KCTD20: variants seen among roughly 807,000 people sequenced by gnomAD.
KCTD20 encodes the protein potassium channel tetramerization domain containing 20.
In KCTD20, 30 loss-of-function variants were observed where a neutral mutation model predicts 39.6. That is an observed-to-expected ratio of 0.76 (90% CI 0.57 to 1.03). The LOEUF is 1.03. Ranked by LOEUF, KCTD20 falls within the 50% of genes least tolerant of loss-of-function variation. The probability of loss-of-function intolerance (pLI) is 0.00; values close to 1 mark genes in which losing one functional copy is unlikely to be tolerated. For missense variants in KCTD20, 422 were observed against 522.0 expected, an observed-to-expected ratio of 0.81 and a Z score of 1.87; for synonymous variants, 162 against 180.6, an observed-to-expected ratio of 0.90 and a Z score of 0.83.
chr6:36,475,135 T>C, intron 3 of KCTD20, 73 bp downstream of exon 3: 3 of 1,477,820 alleles, frequency 2.0e-6, no homozygotes, highest in South Asian at 2.6e-5. Flanking sequence ...TTATCTTGCA[T>C]TAGATATAAC....
rs1775874820 is a variant in KCTD20 at position 36,470,313 on chromosome 6, A to G, written c.160+56A>G. On this transcript the variant is annotated intron_variant, in intron 2 of 7. Transcript: ENST00000373731. Reference sequence around the variant, plus strand: ...GGGGCTTTCCAATACTAGAGCATCTACTCTACCCAGAAGGCATGAATGTTT... The same window carrying G: ...GGGGCTTTCCAATACTAGAGCATCTGCTCTACCCAGAAGGCATGAATGTTT... The G allele has an allele frequency of 4.8e-6, 7 of 1,471,908 alleles. No homozygotes were observed. The South Asian group carries it at 6.3e-5, about 13-fold the overall frequency. The allele number at this position is 1,471,908 out of a possible 1,614,324, so 91.2% of individuals were successfully genotyped here.
chr6:36,482,171 G>C (rs1776270485), intron 6 of KCTD20, among the ~76,000 whole-genome samples: 2 of 152,150 alleles, frequency 1.3e-5, no homozygotes, highest in Admixed American at 1.3e-4. Context: ...TATATTCAGT[G>C]TACATATATA....
At position 36,486,883 on chromosome 6, in the gene KCTD20, G is replaced by T. The variant is rs760854419; in HGVS notation, c.968G>T (p.Gly323Val). Residue 323 changes from glycine (G) to valine (V), a missense_variant and splice_region_variant, in exon 8 of 8, where the codon GGT (glycine) becomes GTT (valine). Physicochemically the swap from Gly to Val is moderately radical, Grantham distance 109. Coordinates refer to ENST00000373731, the MANE Select transcript of KCTD20 (RefSeq NM_173562.5). ...TGAGAATGGCCTTTTTCCATTGCAG[G>T]TTACCCTACCTGTAAAGAAAAAATT... ...GLKNIRIGIE[G>V]YPTCKEKIKR... 2.5e-6 allele frequency: 4 copies of T among 1,609,996 alleles called. No homozygotes were observed. The Admixed American group carries it at 6.8e-5, about 27-fold the overall frequency.
intron 1 of KCTD20, among the ~76,000 whole-genome samples, chr6:36,463,042 A>G (rs1775646120): frequency 6.6e-6 from 1 of 152,220 alleles, no homozygotes; most frequent in Non-Finnish European, 1.5e-5. Context: ...TCCTTAGATG[A>G]TGATGTGCAT....
At position 36,468,884 on chromosome 6, in the gene KCTD20, T is replaced by A. The variant is rs563162026; in HGVS notation, c.-46-1168T>A. 2.6e-5 allele frequency among the ~76,000 whole-genome samples: 4 copies of A among 152,336 alleles called. No individual in the cohort carries two copies. In the South Asian group the frequency reaches 8.3e-4, roughly 32 times the overall value. ...TTCAGGCATATTCCTCTATCCATCC[T>A]ATCAAAGTGGTCATTTTTACATTTC... is the stretch of plus-strand genomic sequence containing the variant. On this transcript the variant is annotated intron_variant, in intron 1 of 7. Transcript: ENST00000373731.
In KCTD20 at chr6:36,488,643, T is replaced by C. The variant is rs143379877; in HGVS notation, c.*1468T>C. 1.3e-5 allele frequency: 2 copies of C among 152,336 alleles called. No homozygotes were observed. Among genetic ancestry groups the C allele is most frequent in the African/African-American group, 2.4e-5 (1 of 41,582 alleles). 9.4% of individuals were successfully genotyped at this position (152,336 alleles called of 1,614,324 possible). A position where few individuals can be genotyped will look rare whatever the true frequency, so the allele number is the denominator to read the frequency against. On this transcript the variant is annotated 3_prime_UTR_variant, in exon 8 of 8. Transcript: ENST00000373731. ...AAATCTGAAAGGCTTCTGAACGTCA[T>C]GTCAGCACTCAAAAAAGTGGATTTT... is the stretch of plus-strand genomic sequence containing the variant.
At chr6:36,466,611 G>A (rs1775762272) in intron 1 of KCTD20, among the ~76,000 whole-genome samples, 1 of 151,946 alleles carries the variant, frequency 6.6e-6, no homozygotes, top group South Asian at 2.1e-4. Flanking sequence ...TGAACTCTCA[G>A]GCTCAAGAGA....
At chr6:36,449,020 T>C (rs1184578389) in intron 1 of KCTD20, among the ~76,000 whole-genome samples, 1 of 150,360 alleles carries the variant, frequency 6.7e-6, no homozygotes, top group Admixed American at 6.8e-5. Flanking sequence ...TTGCAGTGAG[T>C]GTTACAGCTC....
At chr6:36,445,142 A>T (rs188884559) in intron 1 of KCTD20, among the ~76,000 whole-genome samples, 1 of 152,020 alleles carries the variant, frequency 6.6e-6, no homozygotes. Flanking sequence ...GGCACCTGTA[A>T]TCCCAGCTAC....
At chr6:36,482,552 C>CA (rs964226783) in intron 6 of KCTD20, among the ~76,000 whole-genome samples, 87 of 152,052 alleles carry the variant, frequency 5.7e-4, no homozygotes, top group African/African-American at 1.7e-3. Context: ...GACTCCATCT[C>CA]AAAAAAACAA....
In KCTD20 at chr6:36,487,164, T is replaced by G; in HGVS notation, c.1249T>G (p.Phe417Val). The G allele has an allele frequency of 6.2e-7, 1 of 1,612,654 alleles. No homozygotes were observed. Among genetic ancestry groups the G allele is most frequent in the Non-Finnish European group, 8.5e-7 (1 of 1,178,980 alleles). The change falls in exon 8 of 8, where the codon TTT becomes GTT. Residue 417 changes from phenylalanine (F) to valine (V), a missense_variant. Phe to Val is a conservative substitution (Grantham distance 50). Coordinates refer to ENST00000373731, the MANE Select transcript of KCTD20 (RefSeq NM_173562.5). The part of the protein sequence containing the change: ...APLSQMASND[F>V]QD ...ACTTTCTCAGATGGCTTCTAACGACTTTCAGGATTAGGGCCAGCTGTGGGT... is the reference window on the plus strand; with the variant it reads ...ACTTTCTCAGATGGCTTCTAACGACGTTCAGGATTAGGGCCAGCTGTGGGT...
intron 1 of KCTD20, among the ~76,000 whole-genome samples, chr6:36,459,951 A>T (rs1277930306): frequency 6.6e-6 from 1 of 152,246 alleles, no homozygotes; most frequent in African/African-American, 2.4e-5. Context: ...TGCTTTAAAA[A>T]ATGTTATTAC....
chr6:36,450,666 T>C (rs1319250772), intron 1 of KCTD20, among the ~76,000 whole-genome samples: 1 of 152,164 alleles, frequency 6.6e-6, no homozygotes, highest in Non-Finnish European at 1.5e-5. Flanking sequence ...TCTGTATAAA[T>C]CATTGTGTTA....
chr6:36,465,267 G>C (rs1415667999), intron 1 of KCTD20, among the ~76,000 whole-genome samples: 2 of 145,376 alleles, frequency 1.4e-5, no homozygotes, highest in African/African-American at 2.6e-5. Context: ...CTGCACTCCA[G>C]CCTGGGCAAG....
At chr6:36,450,227 C>T (rs1007964442) in intron 1 of KCTD20, among the ~76,000 whole-genome samples, 1 of 146,936 alleles carries the variant, frequency 6.8e-6, no homozygotes, top group Admixed American at 6.9e-5. Context: ...ATGGCTCCTG[C>T]GTGTAATCCC....
At chr6:36,483,169 A>G (rs1425147313) in intron 6 of KCTD20, among the ~76,000 whole-genome samples, 1 of 151,286 alleles carries the variant, frequency 6.6e-6, no homozygotes, top group East Asian at 1.9e-4. Context: ...AGATGTTGCC[A>G]AATTATCCTC....
At chr6:36,451,864 G>A (rs1582304599) in intron 1 of KCTD20, among the ~76,000 whole-genome samples, 1 of 152,274 alleles carries the variant, frequency 6.6e-6, no homozygotes, top group South Asian at 2.1e-4. Flanking sequence ...CCCAGGCAGT[G>A]CAGTAGTGCA....
chr6:36,468,539 C>T (rs577075082), intron 1 of KCTD20, among the ~76,000 whole-genome samples: 17 of 152,168 alleles, frequency 1.1e-4, no homozygotes, highest in Non-Finnish European at 1.3e-4. Flanking sequence ...AGAAGCAGAC[C>T]GTCTTTGGTA....
At chr6:36,483,215 T>C (rs1190484305) in intron 6 of KCTD20, among the ~76,000 whole-genome samples, 3 of 147,604 alleles carry the variant, frequency 2.0e-5, no homozygotes. Flanking sequence ...CAGAAAACAA[T>C]ACATGACAGG....
Sources: gnomAD v4.1 joint callset for allele counts (sites outside exome capture counted in the v4.1 genomes callset) on GRCh38, gnomAD v4.1.1 for gene constraint, MANE v1.5 for transcripts, NCBI Gene and HGNC (gene_info 2026-07-23, HGNC 2026-07-21) for gene names.